MYO1D: variants seen among roughly 807,000 people sequenced by gnomAD.
The protein encoded by MYO1D is unconventional myosin-Id.
Under a neutral mutation model 122.0 loss-of-function variants are expected in MYO1D, and 83 were observed. The observed-to-expected ratio is 0.68, with a 90% CI of 0.57 to 0.82. MYO1D has a LOEUF of 0.82. MYO1D is among the 40% of genes least tolerant of loss of function. The probability of loss-of-function intolerance (pLI) is 0.00; values close to 1 mark genes in which losing one functional copy is unlikely to be tolerated. For synonymous variants in MYO1D, 464 were observed against 446.9 expected, an observed-to-expected ratio of 1.04 and a Z score of -0.48; for missense variants, 1,157 against 1,269.5, an observed-to-expected ratio of 0.91 and a Z score of 1.35.
intron 21 of MYO1D, among the ~76,000 whole-genome samples, chr17:32,579,351 G>C (rs1430601873): frequency 6.6e-6 from 1 of 152,202 alleles, no homozygotes; most frequent in Non-Finnish European, 1.5e-5. Context: ...CTACAGGCAT[G>C]GGCAACCACG....
At chr17:32,537,053 A>T (rs867842952) in intron 21 of MYO1D, among the ~76,000 whole-genome samples, 2 of 152,234 alleles carry the variant, frequency 1.3e-5, no homozygotes, top group Non-Finnish European at 1.5e-5. Context: ...AGAAACATCT[A>T]AGAGTGCAAC....
intron 21 of MYO1D, among the ~76,000 whole-genome samples, chr17:32,543,051 C>T (rs888840137): frequency 3.3e-5 from 5 of 151,186 alleles, no homozygotes; most frequent in African/African-American, 9.7e-5. Context: ...ACGGTGAAAC[C>T]CCGTCTCTAC....
At chr17:32,761,496 T>G (rs910893431) in intron 8 of MYO1D, among the ~76,000 whole-genome samples, 1 of 152,206 alleles carries the variant, frequency 6.6e-6, no homozygotes, top group Non-Finnish European at 1.5e-5. Flanking sequence ...TTCTGAATTT[T>G]ACTCTTTGTT....
At chr17:32,661,515 TGTG>T (rs2088564710) in intron 16 of MYO1D, among the ~76,000 whole-genome samples, 1 of 152,104 alleles carries the variant, frequency 6.6e-6, no homozygotes, top group African/African-American at 2.4e-5. Flanking sequence ...ATTAGCCATG[TGTG>T]GTGGTGTGCA....
At chr17:32,848,695 G>A (rs922114639) in intron 1 of MYO1D, among the ~76,000 whole-genome samples, 10 of 152,204 alleles carry the variant, frequency 6.6e-5, no homozygotes, top group Middle Eastern at 6.8e-3. Context: ...GTTTCTGTGG[G>A]GTATCAGTCC....
intron 21 of MYO1D, among the ~76,000 whole-genome samples, chr17:32,522,081 CAAAAAAA>C (rs35096680): frequency 4.7e-5 from 3 of 63,228 alleles, no homozygotes; most frequent in Non-Finnish European, 5.6e-5. Flanking sequence ...GACTCTGTCT[CAAAAAAA>C]AAAAAAAAAA....
intron 21 of MYO1D, chr17:32,594,508 C>T: frequency 1.7e-6 from 1 of 577,880 alleles, no homozygotes; most frequent in Non-Finnish European, 3.1e-6. Flanking sequence ...TAATCTTGGG[C>T]CTGTTTATGT....
At chr17:32,728,493 A>ACCGCGCC (rs2089601363) in intron 14 of MYO1D, among the ~76,000 whole-genome samples, 1 of 152,192 alleles carries the variant, frequency 6.6e-6, no homozygotes, top group African/African-American at 2.4e-5. Context: ...GGCATGAGCC[A>ACCGCGCC]CCGCGCCCGG....
chr17:32,555,420 T>C (rs2087059607), intron 21 of MYO1D, among the ~76,000 whole-genome samples: 1 of 152,096 alleles, frequency 6.6e-6, no homozygotes. Context: ...TATAAAAATG[T>C]GAACAATGGT....
chr17:32,622,626 A>T (rs2087867757), intron 20 of MYO1D, among the ~76,000 whole-genome samples: 1 of 152,200 alleles, frequency 6.6e-6, no homozygotes, highest in Non-Finnish European at 1.5e-5. Flanking sequence ...CCATTCAGTT[A>T]TCTGGGAGAA....
intron 1 of MYO1D, among the ~76,000 whole-genome samples, chr17:32,807,444 T>A (rs1312911618): frequency 6.6e-6 from 1 of 152,218 alleles, no homozygotes; most frequent in African/African-American, 2.4e-5. Flanking sequence ...CTTGTCTGTA[T>A]GTGATATATA....
chr17:32,767,587 T>G, intron 7 of MYO1D, 49 bp downstream of exon 7: 1 of 1,229,602 alleles, frequency 8.1e-7, no homozygotes, highest in South Asian at 1.5e-5. Context: ...TGAGAAAGCA[T>G]CCTGTTCTCA....
rs980523044 is a variant in MYO1D at position 32,629,421 on chromosome 17, G to T, written c.2709+9301C>A. 5.9e-5 allele frequency among the ~76,000 whole-genome samples: 9 copies of T among 152,180 alleles called. No homozygotes were observed. In the East Asian group the frequency reaches 1.5e-3, roughly 26 times the overall value. ...GGTTTCAGGAAGGAATGCAAAATGT[G>T]ACAAGAGAATCCACTTATATTAAAA... On this transcript the variant is annotated intron_variant, in intron 20 of 21. Transcript: ENST00000318217.
chr17:32,515,318 C>T (rs943101472), intron 21 of MYO1D, among the ~76,000 whole-genome samples: 5 of 152,202 alleles, frequency 3.3e-5, no homozygotes, highest in African/African-American at 1.2e-4. Context: ...ATTCCCTCCT[C>T]CTGTCTTTTC....
At chr17:32,820,090 G>A (rs1415393959) in intron 1 of MYO1D, among the ~76,000 whole-genome samples, 2 of 152,204 alleles carry the variant, frequency 1.3e-5, no homozygotes, top group Non-Finnish European at 2.9e-5. Flanking sequence ...GTTCAGTAAG[G>A]CCATAGAAGG....
At chr17:32,824,803 G>T (rs574015303) in intron 1 of MYO1D, among the ~76,000 whole-genome samples, 1 of 151,856 alleles carries the variant, frequency 6.6e-6, no homozygotes, top group Non-Finnish European at 1.5e-5. Context: ...GTATGTATGG[G>T]TATGCACAAT....
chr17:32,517,378 G>A (rs1186729251), intron 21 of MYO1D, among the ~76,000 whole-genome samples: 1 of 152,232 alleles, frequency 6.6e-6, no homozygotes, highest in Non-Finnish European at 1.5e-5. Flanking sequence ...AGCCTCAAGT[G>A]TATCAGTGTC....
At chr17:32,523,990 T>C (rs1000036109) in intron 21 of MYO1D, among the ~76,000 whole-genome samples, 1 of 152,176 alleles carries the variant, frequency 6.6e-6, no homozygotes, top group Non-Finnish European at 1.5e-5. Flanking sequence ...TAATGATCCA[T>C]GGCAAAGAGT....
intron 14 of MYO1D, among the ~76,000 whole-genome samples, chr17:32,722,747 T>A (rs1247745150): frequency 6.6e-6 from 1 of 152,218 alleles, no homozygotes; most frequent in African/African-American, 2.4e-5. Flanking sequence ...ATAGTAATAG[T>A]AAGAATAAAA....
Sources: allele counts gnomAD v4.1 joint callset (sites outside exome capture counted in the v4.1 genomes callset), GRCh38; gene constraint gnomAD v4.1.1; transcripts MANE v1.5; gene names NCBI Gene and HGNC (gene_info 2026-07-23, HGNC 2026-07-21).